PRPF38B: variants seen among roughly 807,000 people sequenced by gnomAD.
The protein encoded by PRPF38B is pre-mRNA processing factor 38B, also known as pre-mRNA-splicing factor 38B.
A neutral mutation model predicts 67.2 loss-of-function variants in PRPF38B; 18 were observed. The observed-to-expected ratio is 0.27, with a 90% CI of 0.19 to 0.40. PRPF38B has a LOEUF of 0.40. Ranked by LOEUF, PRPF38B falls within the 10% of genes least tolerant of loss-of-function variation. PRPF38B has a pLI of 1.00. For synonymous variants in PRPF38B, 246 were observed against 234.2 expected (o/e 1.05, Z -0.46); for missense variants, 544 against 684.9 (o/e 0.79, Z 2.30).
In PRPF38B at chr1:108,692,908, A is replaced by T. The variant is rs374186536; in HGVS notation, c.276+41A>T. 2.5e-6 allele frequency: 4 copies of T among 1,580,848 alleles called. No homozygotes were observed. The African/African-American group carries it at 5.4e-5, about 21-fold the overall frequency. ...GCCTTGGCTTTGGGGGTAAGTTCGG[A>T]AGAGGGGGTATGGAGGAAACGGGCG... On this transcript the variant is annotated intron_variant, in intron 1 of 5. Coordinates refer to ENST00000370025, the MANE Select transcript of PRPF38B (RefSeq NM_018061.4).
rs1477111966 is a variant in PRPF38B, at chr1:108,702,523, A to C, written c.*2503A>C. Among the ~76,000 whole-genome samples the C allele has an allele frequency of 1.3e-5, 2 of 152,208 alleles. No individual in the cohort carries two copies. The highest frequency in any genetic ancestry group is 2.9e-5 in the Non-Finnish European group (2 of 68,040). ...TTATTGCTATATATATGCATGATTT[A>C]TTTGGAGAGTGGCTTCCTAAGAAAC... is the stretch of plus-strand genomic sequence containing the variant. On this transcript the variant is annotated 3_prime_UTR_variant, in exon 6 of 6. Coordinates refer to ENST00000370025, the MANE Select transcript of PRPF38B (RefSeq NM_018061.4).
Position 108,700,631 on chromosome 1 carries a change from G to C in PRPF38B, c.*611G>C, listed in dbSNP as rs1391762725. 1 of 152,614 alleles carries C rather than the reference G, an allele frequency of 6.6e-6. No homozygotes were observed. Among genetic ancestry groups the C allele is most frequent in the Non-Finnish European group, 1.5e-5 (1 of 68,026 alleles). 9.5% of individuals were successfully genotyped at this position (152,614 alleles called of 1,614,324 possible). ...GAGAATTTATGAGAAGTTAGTTTCT[G>C]ATGCAGAGGTTTTTAGGCTGTGATT... On this transcript the variant is annotated 3_prime_UTR_variant, in exon 6 of 6. Coordinates refer to ENST00000370025, the MANE Select transcript of PRPF38B (RefSeq NM_018061.4).
chr1:108,692,552 TCC>T lies in PRPF38B; in HGVS notation c.-33_-32del. On this transcript the variant is annotated 5_prime_UTR_variant, in exon 1 of 6. Coordinates refer to ENST00000370025, the MANE Select transcript of PRPF38B (RefSeq NM_018061.4). ...AAGAGCGAGATCGAGCTTGGCCCCC[TCC>T]CCCCCCTCCTTCCCTCCCTCCTTCC... is the stretch of plus-strand genomic sequence containing the variant. The T allele has an allele frequency of 2.1e-6, 2 of 958,896 alleles. No homozygotes were observed. The highest frequency in any genetic ancestry group is 3.0e-6 in the Non-Finnish European group (2 of 673,114). 59.4% of individuals were successfully genotyped at this position (958,896 alleles called of 1,614,324 possible). A position where few individuals can be genotyped will look rare whatever the true frequency, so the allele number is the denominator to read the frequency against.
Position 108,692,596 on chromosome 1 carries a change from C to G in PRPF38B, c.5C>G (p.Ala2Gly). 6.6e-7 allele frequency: 1 copy of G among 1,513,096 alleles called. No homozygotes were observed. The highest frequency in any genetic ancestry group is 1.4e-5 in the African/African-American group (1 of 71,666). 93.7% of individuals were successfully genotyped at this position (1,513,096 alleles called of 1,614,324 possible). The change falls in exon 1 of 6, where the codon GCT becomes GGT. Residue 2 changes from alanine (A) to glycine (G), a missense_variant. By Grantham distance (60) the Ala-to-Gly change is moderately conservative. Transcript: ENST00000370025. M[A>G]NNSPALTGNS... ...CCTCCTTCCTTCCGCCGCAACATGGCTAACAACAGCCCCGCGCTGACAGGC... is the reference window on the plus strand; with the variant it reads ...CCTCCTTCCTTCCGCCGCAACATGGGTAACAACAGCCCCGCGCTGACAGGC...
chr1:108,693,854 C>A (rs1289517608), intron 1 of PRPF38B, among the ~76,000 whole-genome samples: 2 of 152,156 alleles, frequency 1.3e-5, no homozygotes, highest in Non-Finnish European at 2.9e-5. Flanking sequence ...TTAATAATAG[C>A]CTTAGTGGTC....
At position 108,696,319 on chromosome 1, in the gene PRPF38B, C is replaced by T; in HGVS notation, c.540C>T (p.Ser180=). ...PPTDLWDWFE[S]FLDDEEDLDV... ...CAGATCTGTGGGACTGGTTTGAATC[C>T]TTCCTTGATGATGAAGAGGTATGTC... is the stretch of plus-strand genomic sequence containing the variant. The change falls in exon 4 of 6, where the codon TCC becomes TCT. Residue 180 remains serine, a synonymous_variant. Coordinates refer to ENST00000370025, the MANE Select transcript of PRPF38B (RefSeq NM_018061.4). 1.2e-6 allele frequency: 2 copies of T among 1,611,690 alleles called. No homozygotes were observed. The highest frequency in any genetic ancestry group is 1.7e-6 in the Non-Finnish European group (2 of 1,178,604).
chr1:108,692,500 G>A lies in PRPF38B; in HGVS notation c.-92G>A, dbSNP rs1413092400. 7.2e-7 allele frequency: 1 copy of A among 1,384,060 alleles called. No homozygotes were observed. Among genetic ancestry groups the A allele is most frequent in the African/African-American group, 1.5e-5 (1 of 68,810 alleles). 85.7% of individuals were successfully genotyped at this position (1,384,060 alleles called of 1,614,324 possible). ...GCCCCTTCTCCCGACGACGTTCGAT[G>A]GAGTAGGGTCCCAGACCGTTGTCCC... On this transcript the variant is annotated 5_prime_UTR_variant, in exon 1 of 6. An upstream start codon of the reference 5' UTR is lost. Transcript: ENST00000370025.
Position 108,701,593 on chromosome 1 carries a change from A to T in PRPF38B, c.*1573A>T, listed in dbSNP as rs371860211. The T allele has an allele frequency of 6.6e-6, 1 of 152,248 alleles. No homozygotes were observed. The highest frequency in any genetic ancestry group is 1.9e-4 in the East Asian group (1 of 5,204). The allele number at this position is 152,248 out of a possible 1,614,324, so 9.4% of individuals were successfully genotyped here. Reference sequence around the variant, plus strand: ...GATGTCAGTGCTAGGGCTAAAACTCAGTATTCTGACAGTGTAGTGAACCTG... The same window carrying T: ...GATGTCAGTGCTAGGGCTAAAACTCTGTATTCTGACAGTGTAGTGAACCTG... On this transcript the variant is annotated 3_prime_UTR_variant, in exon 6 of 6. Transcript: ENST00000370025.
intron 4 of PRPF38B, chr1:108,697,538 CTTTTTTTTTTTTTTTT>C (rs34770110): frequency 4.1e-5 from 6 of 146,072 alleles, no homozygotes; most frequent in Non-Finnish European, 9.0e-5. Context: ...TTATTTTTCT[CTTTTTTTTTTTTTTTT>C]TTTTTGCCTG....
In PRPF38B at chr1:108,702,062, TGAAA is replaced by T. The variant is rs1266423628; in HGVS notation, c.*2046_*2049del. On this transcript the variant is annotated 3_prime_UTR_variant, in exon 6 of 6. Coordinates refer to ENST00000370025, the MANE Select transcript of PRPF38B (RefSeq NM_018061.4). ...GAATTTAAATTACTTCACATGGAGGTGAAAGAACTATCACCTCGATTGACAGTTC... is the reference window on the plus strand; with the variant it reads ...GAATTTAAATTACTTCACATGGAGGTGAACTATCACCTCGATTGACAGTTC... 2.6e-5 allele frequency among the ~76,000 whole-genome samples: 4 copies of T among 152,204 alleles called. No homozygotes were observed. Among genetic ancestry groups the T allele is most frequent in the Non-Finnish European group, 4.4e-5 (3 of 68,038 alleles).
Position 108,699,444 on chromosome 1 carries a change from A to G in PRPF38B, c.1065A>G (p.Glu355=). 1 of 1,613,666 alleles carries G rather than the reference A, an allele frequency of 6.2e-7. No homozygotes were observed. Among genetic ancestry groups the G allele is most frequent in the Non-Finnish European group, 8.5e-7 (1 of 1,179,720 alleles). The change falls in exon 6 of 6, where the codon GAA becomes GAG. Residue 355 remains glutamate, a synonymous_variant. Coordinates refer to ENST00000370025, the MANE Select transcript of PRPF38B (RefSeq NM_018061.4). ...RKGDRRDRDR[E]REKENERGRR... ...GGGATAGAAGGGACAGGGATCGAGA[A>G]AGAGAGAAAGAAAATGAGAGAGGTA...
chr1:108,700,624 A>G lies in PRPF38B; in HGVS notation c.*604A>G, dbSNP rs1471711287. The G allele has an allele frequency of 6.6e-6, 1 of 152,648 alleles. No homozygotes were observed. Among genetic ancestry groups the G allele is most frequent in the African/African-American group, 2.4e-5 (1 of 41,456 alleles). The allele number at this position is 152,648 out of a possible 1,614,324, so 9.5% of individuals were successfully genotyped here. On this transcript the variant is annotated 3_prime_UTR_variant, in exon 6 of 6. Coordinates refer to ENST00000370025, the MANE Select transcript of PRPF38B (RefSeq NM_018061.4). Reference sequence around the variant, plus strand: ...CTTTAGAGAGAATTTATGAGAAGTTAGTTTCTGATGCAGAGGTTTTTAGGC... The same window carrying G: ...CTTTAGAGAGAATTTATGAGAAGTTGGTTTCTGATGCAGAGGTTTTTAGGC...
chr1:108,698,545 T>A, intron 4 of PRPF38B, 59 bp from the exon 5 acceptor site: 4 of 1,179,410 alleles, frequency 3.4e-6, no homozygotes, highest in South Asian at 1.4e-5. Context: ...TTTTATAATA[T>A]TCATGTATAT....
Position 108,692,407 on chromosome 1 carries a change from C to T in PRPF38B, c.-185C>T. On this transcript the variant is annotated 5_prime_UTR_variant, in exon 1 of 6. Coordinates refer to ENST00000370025, the MANE Select transcript of PRPF38B (RefSeq NM_018061.4). ...CTCGCGGTCTGGGTTTCGCTGTCTG[C>T]TCTTGGCCCGGGGTCATTTTGTCGG... The T allele has an allele frequency of 7.4e-6, 5 of 674,924 alleles. No homozygotes were observed. The highest frequency in any genetic ancestry group is 3.0e-5 in the Admixed American group (1 of 33,032). The allele number at this position is 674,924 out of a possible 1,614,324, so 41.8% of individuals were successfully genotyped here. A position where few individuals can be genotyped will look rare whatever the true frequency, so the allele number is the denominator to read the frequency against.
intron 4 of PRPF38B, chr1:108,696,870 C>T: frequency 1.6e-6 from 1 of 643,172 alleles, no homozygotes; most frequent in South Asian, 1.8e-5. Flanking sequence ...AATTTTAATT[C>T]CAGTTTTCTG....
In PRPF38B at chr1:108,692,705, G is replaced by C; in HGVS notation, c.114G>C (p.Ala38=). 6.2e-7 allele frequency: 1 copy of C among 1,613,482 alleles called. No individual in the cohort carries two copies. Among genetic ancestry groups the C allele is most frequent in the Non-Finnish European group, 8.5e-7 (1 of 1,180,036 alleles). Residue 38 remains alanine, a synonymous_variant, in exon 1 of 6, where the codon GCG becomes GCC. Transcript: ENST00000370025. The part of the protein sequence containing the change: ...QCGGGGATKP[A]VSGKQGNVLP... ...GCGGCGGCGGCGCTACCAAGCCGGC[G>C]GTCTCCGGCAAGCAGGGCAATGTGC...
chr1:108,700,209 G>A lies in PRPF38B; in HGVS notation c.*189G>A. The A allele has an allele frequency of 6.7e-6, 7 of 1,041,434 alleles. No individual in the cohort carries two copies. Among genetic ancestry groups the A allele is most frequent in the Non-Finnish European group, 9.1e-6 (7 of 769,516 alleles). 64.5% of individuals were successfully genotyped at this position (1,041,434 alleles called of 1,614,324 possible). ...ATTGCATTGGTGTTTTCACCCAATTGTTAAGTTTGATACATGATGCACAGA... is the reference window on the plus strand; with the variant it reads ...ATTGCATTGGTGTTTTCACCCAATTATTAAGTTTGATACATGATGCACAGA... On this transcript the variant is annotated 3_prime_UTR_variant, in exon 6 of 6. Coordinates refer to ENST00000370025, the MANE Select transcript of PRPF38B (RefSeq NM_018061.4).
Position 108,701,397 on chromosome 1 carries a change from G to C in PRPF38B, c.*1377G>C, listed in dbSNP as rs2101061621. The C allele has an allele frequency of 6.6e-6, 1 of 152,476 alleles. No homozygotes were observed. The highest frequency in any genetic ancestry group is 2.1e-4 in the South Asian group (1 of 4,824). The allele number at this position is 152,476 out of a possible 1,614,324, so 9.4% of individuals were successfully genotyped here. On this transcript the variant is annotated 3_prime_UTR_variant, in exon 6 of 6. Coordinates refer to ENST00000370025, the MANE Select transcript of PRPF38B (RefSeq NM_018061.4). ...ATACTTGATAATGGCAGTTCCCTTTGTCAGTGGTTGTTACATGTGTCATTT... is the reference window on the plus strand; with the variant it reads ...ATACTTGATAATGGCAGTTCCCTTTCTCAGTGGTTGTTACATGTGTCATTT...
rs1208365385 is a variant in PRPF38B at position 108,702,297 on chromosome 1, T to G, written c.*2277T>G. 6.6e-6 allele frequency among the ~76,000 whole-genome samples: 1 copy of G among 152,092 alleles called. No homozygotes were observed. Among genetic ancestry groups the G allele is most frequent in the Non-Finnish European group, 1.5e-5 (1 of 68,022 alleles). The stretch of plus-strand genomic sequence containing the variant: ...CATGCTAGCACACCCGGCTAATTTG[T>G]ATTTTTGGTAGGGTTGGGATTTCGC... On this transcript the variant is annotated 3_prime_UTR_variant, in exon 6 of 6. Transcript: ENST00000370025.
Sources: gnomAD v4.1 joint callset for allele counts (sites outside exome capture counted in the v4.1 genomes callset) on GRCh38, gnomAD v4.1.1 for gene constraint, MANE v1.5 for transcripts, NCBI Gene and HGNC (gene_info 2026-07-23, HGNC 2026-07-21) for gene names.